Variants in SPOPL observed in about 807,000 individuals in gnomAD.
The protein encoded by SPOPL is speckle-type POZ protein-like.
A neutral mutation model predicts 53.8 loss-of-function variants in SPOPL; 23 were observed. The ratio of observed to expected loss-of-function variants is 0.43; its 90% CI spans 0.31 to 0.61. The LOEUF (loss-of-function observed/expected upper bound fraction) is 0.61. Ranked by LOEUF, SPOPL falls within the 20% of genes least tolerant of loss-of-function variation. The pLI, the probability that SPOPL is intolerant of heterozygous loss-of-function variation, is 0.12. For missense variants in SPOPL, 442 were observed against 466.9 expected, an observed-to-expected ratio of 0.95 and a Z score of 0.49; for synonymous variants, 164 against 149.7, an observed-to-expected ratio of 1.10 and a Z score of -0.70.
intron 1 of SPOPL, among the ~76,000 whole-genome samples, chr2:138,532,476 G>T (rs558321803): frequency 7.7e-6 from 1 of 129,580 alleles, no homozygotes; most frequent in African/African-American, 2.9e-5. Flanking sequence ...GCTCAGGCTA[G>T]AGTGCAGTGG....
At chr2:138,552,331 G>A (rs1685330900) in intron 4 of SPOPL, among the ~76,000 whole-genome samples, 1 of 151,958 alleles carries the variant, frequency 6.6e-6, no homozygotes, top group African/African-American at 2.4e-5. Flanking sequence ...GTCTGAAATT[G>A]AGCTCATTGA....
At chr2:138,518,799 C>T (rs575578826) in intron 1 of SPOPL, among the ~76,000 whole-genome samples, 1 of 152,156 alleles carries the variant, frequency 6.6e-6, no homozygotes, top group African/African-American at 2.4e-5. Flanking sequence ...GAGAGCCAAG[C>T]AATTAAAGTT....
At chr2:138,529,504 G>GTGTGCC (rs1318855963) in intron 1 of SPOPL, among the ~76,000 whole-genome samples, 7 of 40,024 alleles carry the variant, frequency 1.7e-4, no homozygotes, top group African/African-American at 2.8e-4. Flanking sequence ...GTGCCTGTGT[G>GTGTGCC]TGTGTGTGTG....
At chr2:138,534,665 G>A (rs1684889261) in intron 1 of SPOPL, among the ~76,000 whole-genome samples, 1 of 152,036 alleles carries the variant, frequency 6.6e-6, no homozygotes, top group African/African-American at 2.4e-5. Context: ...GTTCCGTAAT[G>A]GCTTAGTACA....
chr2:138,508,213 G>A (rs767792600), intron 1 of SPOPL, among the ~76,000 whole-genome samples: 2 of 152,088 alleles, frequency 1.3e-5, no homozygotes, highest in Admixed American at 1.3e-4. Context: ...CTATAGACAT[G>A]GATAAACTTT....
At chr2:138,508,931 T>C (rs1360591137) in intron 1 of SPOPL, among the ~76,000 whole-genome samples, 1 of 152,182 alleles carries the variant, frequency 6.6e-6, no homozygotes, top group Non-Finnish European at 1.5e-5. Context: ...TTTATCTTTA[T>C]GTTGAACATA....
At chr2:138,553,697 C>T (rs561147143) in intron 5 of SPOPL, among the ~76,000 whole-genome samples, 1 of 152,084 alleles carries the variant, frequency 6.6e-6, no homozygotes, top group Admixed American at 6.5e-5. Flanking sequence ...ATAATTGCAT[C>T]TTATTTTTTA....
At chr2:138,531,085 G>T (rs966214445) in intron 1 of SPOPL, among the ~76,000 whole-genome samples, 1 of 151,812 alleles carries the variant, frequency 6.6e-6, no homozygotes, top group Non-Finnish European at 1.5e-5. Context: ...CTGTTAATGG[G>T]CTAAATTACA....
chr2:138,505,036 A>G (rs1684184613), intron 1 of SPOPL, among the ~76,000 whole-genome samples: 1 of 152,232 alleles, frequency 6.6e-6, no homozygotes, highest in Non-Finnish European at 1.5e-5. Flanking sequence ...CATAGTTCTC[A>G]TCTATTACTC....
intron 1 of SPOPL, among the ~76,000 whole-genome samples, chr2:138,549,755 T>C (rs1685273901): frequency 6.6e-6 from 1 of 152,148 alleles, no homozygotes; most frequent in Admixed American, 6.5e-5. Flanking sequence ...CTAGTATTTA[T>C]AGTTCTAACT....
chr2:138,546,218 T>G (rs1038102562), intron 1 of SPOPL, among the ~76,000 whole-genome samples: 3 of 152,258 alleles, frequency 2.0e-5, no homozygotes, highest in Non-Finnish European at 2.9e-5. Flanking sequence ...TGCTTTCCCT[T>G]TAATAAGTAA....
intron 5 of SPOPL, among the ~76,000 whole-genome samples, chr2:138,556,700 G>A (rs754941990): frequency 3.9e-5 from 6 of 152,154 alleles, no homozygotes; most frequent in Non-Finnish European, 7.3e-5. Flanking sequence ...TAAGATAGGA[G>A]CACCTTTATT....
rs61000380 is a variant in SPOPL, at chr2:138,555,131, GGTGTGTGT to G, written c.480+2482_480+2489del. On this transcript the variant is annotated intron_variant, in intron 5 of 10. Coordinates refer to ENST00000280098, the MANE Select transcript of SPOPL (RefSeq NM_001001664.3). ...AGTGGGGGTTGTTGGAGGGTAGGAG[GGTGTGTGT>G]GTGTGTGTGTGTGTGTGTGTGTGTG... 7.9e-3 allele frequency among the ~76,000 whole-genome samples: 1,107 copies of G among 140,144 alleles called. 14 individuals carry two copies. The highest frequency in any genetic ancestry group is 0.026 in the African/African-American group (989 of 37,836). The allele number at this position is 140,144 out of a possible 152,430, so 91.9% of individuals were successfully genotyped here.
At chr2:138,558,238 T>C (rs1313704826) in intron 5 of SPOPL, among the ~76,000 whole-genome samples, 3 of 152,234 alleles carry the variant, frequency 2.0e-5, no homozygotes, top group Non-Finnish European at 4.4e-5. Flanking sequence ...TATTATTCAG[T>C]ATGTGGTCAT....
intron 5 of SPOPL, among the ~76,000 whole-genome samples, chr2:138,557,069 T>A (rs1315909241): frequency 2.6e-5 from 4 of 151,776 alleles, no homozygotes; most frequent in Non-Finnish European, 5.9e-5. Flanking sequence ...GGCAGGAGAA[T>A]GGCATGAATG....
intron 1 of SPOPL, among the ~76,000 whole-genome samples, chr2:138,541,654 C>T (rs769846994): frequency 6.6e-6 from 1 of 152,134 alleles, no homozygotes; most frequent in South Asian, 2.1e-4. Flanking sequence ...TGCTAGCGGT[C>T]TATCAATTTT....
At chr2:138,545,966 A>G (rs955333166) in intron 1 of SPOPL, among the ~76,000 whole-genome samples, 1 of 152,236 alleles carries the variant, frequency 6.6e-6, no homozygotes, top group African/African-American at 2.4e-5. Context: ...ATGATAATCA[A>G]CAATTCAGGA....
At position 138,544,299 on chromosome 2, in the gene SPOPL, G is replaced by C. The variant is rs572711472; in HGVS notation, c.-60-5858G>C. On this transcript the variant is annotated intron_variant, in intron 1 of 10. Transcript: ENST00000280098. The stretch of plus-strand genomic sequence containing the variant: ...ATTTAAGTCTGCAGAGGATTCTGCT[G>C]CCTTTTGTTTGTCTTAGCCCTGCCC... Among the ~76,000 whole-genome samples the C allele has an allele frequency of 6.6e-5, 10 of 152,312 alleles. No homozygotes were observed. The East Asian group carries it at 1.5e-3, about 24-fold the overall frequency.
In SPOPL at chr2:138,573,478, C is replaced by T. The variant is rs1685829041; in HGVS notation, c.*4398C>T. ...GATGACTTATTCTAATGCTACGTAC[C>T]ATTAATGTAACAGAGATCACCTTTT... is the stretch of plus-strand genomic sequence containing the variant. On this transcript the variant is annotated 3_prime_UTR_variant, in exon 11 of 11. Coordinates refer to ENST00000280098, the MANE Select transcript of SPOPL (RefSeq NM_001001664.3). 6.6e-6 allele frequency: 1 copy of T among 152,072 alleles called. No homozygotes were observed. The highest frequency in any genetic ancestry group is 6.6e-5 in the Admixed American group (1 of 15,266). 9.4% of individuals were successfully genotyped at this position (152,072 alleles called of 1,614,324 possible).
Sources: gnomAD v4.1 joint callset for allele counts (sites outside exome capture counted in the v4.1 genomes callset) on GRCh38, gnomAD v4.1.1 for gene constraint, MANE v1.5 for transcripts, NCBI Gene and HGNC (gene_info 2026-07-23, HGNC 2026-07-21) for gene names.